The following TOGARAM1 variants were observed in gnomAD, a reference collection of about 807,000 sequenced individuals.
TOGARAM1 encodes TOG array regulator of axonemal microtubules 1, also known as TOG array regulator of axonemal microtubules protein 1.
TOGARAM1 carries 100 observed loss-of-function variants against 166.6 expected under a neutral mutation model. The ratio of observed to expected loss-of-function variants is 0.60; its 90% confidence interval spans 0.51 to 0.71. The LOEUF (loss-of-function observed/expected upper bound fraction) is 0.71. TOGARAM1 is among the 30% of genes least tolerant of loss of function. TOGARAM1 has a pLI of 0.00. For missense variants in TOGARAM1, 2,029 were observed against 2,102.7 expected, an observed-to-expected ratio of 0.96 and a Z score of 0.69; for synonymous variants, 758 against 763.8, an observed-to-expected ratio of 0.99 and a Z score of 0.13.
intron 18 of TOGARAM1, among the ~76,000 whole-genome samples, chr14:45,070,767 T>A (rs1200892015): frequency 6.6e-6 from 1 of 152,196 alleles, no homozygotes; most frequent in Non-Finnish European, 1.5e-5. Flanking sequence ...AAGGGTCAAT[T>A]GTAGTTATTT....
chr14:45,019,537 G>A (rs1213016978), intron 7 of TOGARAM1, among the ~76,000 whole-genome samples: 1 of 152,148 alleles, frequency 6.6e-6, no homozygotes, highest in Non-Finnish European at 1.5e-5. Context: ...CAAAGGGAGG[G>A]GACCCAAGGA....
chr14:45,023,507 T>A (rs1880645223), intron 7 of TOGARAM1, among the ~76,000 whole-genome samples: 1 of 152,204 alleles, frequency 6.6e-6, no homozygotes, highest in Admixed American at 6.6e-5. Context: ...CTTCAGATAC[T>A]AAGACTGCTA....
intron 7 of TOGARAM1, among the ~76,000 whole-genome samples, chr14:45,023,915 A>G (rs916020179): frequency 6.6e-6 from 1 of 151,906 alleles, no homozygotes; most frequent in African/African-American, 2.4e-5. Flanking sequence ...TAATTTTTGT[A>G]TTTTTGGTAG....
intron 7 of TOGARAM1, among the ~76,000 whole-genome samples, chr14:45,015,600 G>A (rs1026832152): frequency 1.3e-5 from 2 of 149,420 alleles, no homozygotes; most frequent in Admixed American, 1.3e-4. Flanking sequence ...TTTAAATTAC[G>A]GATATAATAA....
chr14:45,050,866 T>C (rs1249723990), intron 14 of TOGARAM1, among the ~76,000 whole-genome samples: 1 of 152,050 alleles, frequency 6.6e-6, no homozygotes, highest in Non-Finnish European at 1.5e-5. Context: ...CCACCTGCCT[T>C]GGCCTCCCAA....
intron 11 of TOGARAM1, among the ~76,000 whole-genome samples, chr14:45,041,045 GTAA>G (rs993507995): frequency 6.9e-6 from 1 of 144,984 alleles, no homozygotes; most frequent in Non-Finnish European, 1.5e-5. Flanking sequence ...TCTCAAAAAA[GTAA>G]TAATAATAAT....
intron 16 of TOGARAM1, among the ~76,000 whole-genome samples, chr14:45,055,135 A>T (rs1882568316): frequency 6.6e-6 from 1 of 152,110 alleles, no homozygotes; most frequent in Non-Finnish European, 1.5e-5. Flanking sequence ...ATTTACATAG[A>T]CCAATGTCCA....
chr14:45,063,244 A>T (rs1261968458), intron 16 of TOGARAM1, among the ~76,000 whole-genome samples: 1 of 152,034 alleles, frequency 6.6e-6, no homozygotes, highest in African/African-American at 2.4e-5. Context: ...TTATCTATTC[A>T]TCAGTTTGGT....
At chr14:45,050,768 C>T (rs1882323985) in intron 14 of TOGARAM1, among the ~76,000 whole-genome samples, 2 of 152,160 alleles carry the variant, frequency 1.3e-5, no homozygotes, top group Admixed American at 1.3e-4. Flanking sequence ...GCATGTGCCA[C>T]CATGCCTGGC....
chr14:45,043,587 T>C, intron 11 of TOGARAM1, 99 bp from the exon 12 acceptor site: 2 of 750,982 alleles, frequency 2.7e-6, no homozygotes, highest in Non-Finnish European at 4.6e-6. Flanking sequence ...CTGAACCTCT[T>C]CCTTGGCAAT....
intron 3 of TOGARAM1, among the ~76,000 whole-genome samples, chr14:45,000,839 T>G (rs1209121404): frequency 6.6e-6 from 1 of 152,110 alleles, no homozygotes; most frequent in East Asian, 1.9e-4. Flanking sequence ...GCTCAAGTGA[T>G]CCTCCTACCT....
chr14:45,039,274 C>T (rs1881598559), intron 11 of TOGARAM1, among the ~76,000 whole-genome samples: 2 of 152,094 alleles, frequency 1.3e-5, no homozygotes, highest in South Asian at 4.2e-4. Flanking sequence ...TTATGGGCTT[C>T]AGAGGGGAGG....
rs562760128 is a variant in TOGARAM1 at position 45,009,470 on chromosome 14, C to T, written c.3137+325C>T. 3.3e-5 allele frequency among the ~76,000 whole-genome samples: 5 copies of T among 152,236 alleles called. No individual in the cohort carries two copies. The South Asian group carries it at 6.2e-4, about 19-fold the overall frequency. ...TTAGCTCTTTTCTGGATTATTGACT[C>T]CTTTGCCAGTTGATCTATAGCTAAT... On this transcript the variant is annotated intron_variant, in intron 6 of 19. Coordinates refer to ENST00000361462, the MANE Select transcript of TOGARAM1 (RefSeq NM_001308120.2).
chr14:45,064,094 T>C (rs940567114), intron 16 of TOGARAM1, among the ~76,000 whole-genome samples: 3 of 152,148 alleles, frequency 2.0e-5, no homozygotes, highest in African/African-American at 7.2e-5. Context: ...CCCCCCGCTC[T>C]GGTTGTGGGC....
intron 7 of TOGARAM1, among the ~76,000 whole-genome samples, chr14:45,018,733 T>C (rs1214337737): frequency 2.0e-5 from 3 of 152,246 alleles, no homozygotes; most frequent in Admixed American, 2.0e-4. Context: ...TAAGTTGTTA[T>C]TGTTTTACAA....
rs369308624 is a variant in TOGARAM1 at position 44,999,783 on chromosome 14, A to G, written c.2338+286A>G. On this transcript the variant is annotated intron_variant, in intron 3 of 19. Coordinates refer to ENST00000361462, the MANE Select transcript of TOGARAM1 (RefSeq NM_001308120.2). ...ATAGTGGTACATATTTGTGGGGGAC[A>G]TGTGACATTTTGATATACAATGTGT... 7.2e-5 allele frequency among the ~76,000 whole-genome samples: 11 copies of G among 152,286 alleles called. No homozygotes were observed. The East Asian group carries it at 1.5e-3, about 21-fold the overall frequency.
At chr14:45,066,118 T>A (rs1186990672) in intron 16 of TOGARAM1, among the ~76,000 whole-genome samples, 1 of 152,168 alleles carries the variant, frequency 6.6e-6, no homozygotes, top group Non-Finnish European at 1.5e-5. Flanking sequence ...GTCCCTACAT[T>A]ACCAGCTCCC....
intron 1 of TOGARAM1, among the ~76,000 whole-genome samples, chr14:44,984,487 T>A (rs1886684221): frequency 6.6e-6 from 1 of 151,838 alleles, no homozygotes; most frequent in Non-Finnish European, 1.5e-5. Context: ...ATTGTTATCA[T>A]CTTAAAAAAG....
chr14:44,984,374 A>C (rs1886678785), intron 1 of TOGARAM1, among the ~76,000 whole-genome samples: 1 of 152,024 alleles, frequency 6.6e-6, no homozygotes, highest in Admixed American at 6.6e-5. Context: ...GACACATACA[A>C]ACATGGAATT....
Sources: allele counts gnomAD v4.1 joint callset (sites outside exome capture counted in the v4.1 genomes callset), GRCh38; gene constraint gnomAD v4.1.1; transcripts MANE v1.5; gene names NCBI Gene and HGNC (gene_info 2026-07-23, HGNC 2026-07-21).